Variants in CACNA2D1 observed in about 807,000 individuals in gnomAD.
The protein encoded by CACNA2D1 is calcium voltage-gated channel auxiliary subunit alpha2delta 1.
In CACNA2D1, 53 loss-of-function variants were observed where a neutral mutation model predicts 171.5. That is an observed-to-expected ratio of 0.31 (90% CI 0.25 to 0.39). The LOEUF (loss-of-function observed/expected upper bound fraction) is 0.39, where lower values mean the gene tolerates loss of function less well. Among genes scored for constraint, CACNA2D1 ranks in the 10% least tolerant of loss-of-function variants. The pLI, the probability that CACNA2D1 is intolerant of heterozygous loss-of-function variation, is 1.00. For missense variants in CACNA2D1, 903 were observed against 1,299.8 expected, an observed-to-expected ratio of 0.69 and a Z score of 4.69; for synonymous variants, 442 against 443.1, an observed-to-expected ratio of 1.00 and a Z score of 0.03.
intron 10 of CACNA2D1, among the ~76,000 whole-genome samples, chr7:82,059,987 G>A (rs1806418801): frequency 2.3e-5 from 1 of 43,316 alleles, no homozygotes; most frequent in African/African-American, 7.3e-5. Flanking sequence ...CACACACCAG[G>A]GCCTGTTGTG....
At chr7:81,980,698 T>G (rs569529447) in intron 24 of CACNA2D1, among the ~76,000 whole-genome samples, 1 of 152,152 alleles carries the variant, frequency 6.6e-6, no homozygotes, top group South Asian at 2.1e-4. Context: ...GCAAATGTAG[T>G]AGTTTAGGTG....
chr7:81,973,510 T>C (rs1795511201), intron 25 of CACNA2D1, among the ~76,000 whole-genome samples: 1 of 151,846 alleles, frequency 6.6e-6, no homozygotes, highest in South Asian at 2.1e-4. Flanking sequence ...ACTGATAAAG[T>C]GCTTTGACCC....
intron 3 of CACNA2D1, among the ~76,000 whole-genome samples, chr7:82,176,135 T>G (rs1796521105): frequency 1.3e-5 from 2 of 152,032 alleles, no homozygotes; most frequent in Admixed American, 6.6e-5. Context: ...GTTCTGCCTG[T>G]GACACCTTAT....
intron 38 of CACNA2D1, among the ~76,000 whole-genome samples, chr7:81,951,972 T>TTTTTTTTTTTTTTTTG (rs1792607166): frequency 6.9e-6 from 1 of 145,948 alleles, no homozygotes; most frequent in Non-Finnish European, 1.5e-5. Flanking sequence ...ACAAAGTGTT[T>TTTTTTTTTTTTTTTTG]TTTTTTTTTT....
intron 1 of CACNA2D1, among the ~76,000 whole-genome samples, chr7:82,426,293 T>C (rs1337698110): frequency 1.3e-5 from 2 of 152,112 alleles, no homozygotes; most frequent in Non-Finnish European, 2.9e-5. Context: ...GTTGAGGATC[T>C]AACATGTATT....
intron 3 of CACNA2D1, among the ~76,000 whole-genome samples, chr7:82,186,249 AG>A (rs1256528374): frequency 2.6e-4 from 31 of 118,298 alleles, no homozygotes; most frequent in South Asian, 1.8e-3. Context: ...GAAGGAAGGA[AG>A]GAAGAAAGGA....
intron 5 of CACNA2D1, among the ~76,000 whole-genome samples, chr7:82,135,512 A>T (rs911503935): frequency 6.6e-6 from 1 of 152,098 alleles, no homozygotes. Context: ...TAGCTCTTCA[A>T]CTATAAACTG....
rs769700955 is a variant in CACNA2D1, at chr7:82,335,176, C to A, written c.253G>T (p.Asp85Tyr). The A allele has an allele frequency of 1.9e-6, 3 of 1,612,916 alleles. No individual in the cohort carries two copies. In the Admixed American group the frequency reaches 5.0e-5, roughly 27 times the overall value. ...ARQLVEIAAR[D>Y]IEKLLSNRSK... ...CTGTTGCTCAGAAGTTTCTCAATATCCCTGGCTGCAATTTCTACCAGCTGG... is the reference window on the plus strand; with the variant it reads ...CTGTTGCTCAGAAGTTTCTCAATATACCTGGCTGCAATTTCTACCAGCTGG... Residue 85 changes from aspartate (D) to tyrosine (Y), a missense_variant, in exon 3 of 39, where the codon GAT becomes TAT. By Grantham distance (160) the Asp-to-Tyr change is radical (BLOSUM62 -3). Coordinates refer to ENST00000356860, the MANE Select transcript of CACNA2D1 (RefSeq NM_000722.4).
intron 3 of CACNA2D1, among the ~76,000 whole-genome samples, chr7:82,332,721 G>A (rs185704524): frequency 2.7e-4 from 41 of 152,192 alleles, no homozygotes; most frequent in African/African-American, 7.7e-4. Flanking sequence ...GGAACCAGGC[G>A]GGGTGCAGTG....
At chr7:82,379,094 A>T (rs1346328410) in intron 1 of CACNA2D1, among the ~76,000 whole-genome samples, 1 of 151,912 alleles carries the variant, frequency 6.6e-6, no homozygotes, top group Non-Finnish European at 1.5e-5. Context: ...TTTTTTAAAC[A>T]GGGGTGAGAG....
At chr7:82,202,262 C>A (rs1435114051) in intron 3 of CACNA2D1, among the ~76,000 whole-genome samples, 1 of 152,180 alleles carries the variant, frequency 6.6e-6, no homozygotes, top group South Asian at 2.1e-4. Flanking sequence ...AAAGCCATGT[C>A]GAAATTCCCT....
At chr7:82,044,787 A>G (rs187948542) in intron 10 of CACNA2D1, among the ~76,000 whole-genome samples, 64 of 152,234 alleles carry the variant, frequency 4.2e-4, no homozygotes, top group Non-Finnish European at 1.0e-4. Flanking sequence ...TTTTTAAAAA[A>G]CTTTCAAAAT....
At chr7:82,172,082 C>T (rs1026858232) in intron 3 of CACNA2D1, among the ~76,000 whole-genome samples, 1 of 151,922 alleles carries the variant, frequency 6.6e-6, no homozygotes, top group African/African-American at 2.4e-5. Flanking sequence ...AGTCCCAAAG[C>T]TAAATTTAAG....
intron 1 of CACNA2D1, among the ~76,000 whole-genome samples, chr7:82,387,005 G>C (rs552589049): frequency 9.2e-4 from 139 of 151,896 alleles, no homozygotes; most frequent in Middle Eastern, 6.8e-3. Context: ...AGTATAAAGT[G>C]GTGGCAAATG....
At chr7:82,364,376 G>C (rs1193850169) in intron 1 of CACNA2D1, among the ~76,000 whole-genome samples, 1 of 152,184 alleles carries the variant, frequency 6.6e-6, no homozygotes, top group Non-Finnish European at 1.5e-5. Flanking sequence ...CCTATTTATA[G>C]AGTCCCTGCA....
Position 82,149,796 on chromosome 7 carries a change from A to AAAT in CACNA2D1, c.355-13121_355-13120insATT, listed in dbSNP as rs200977708. Among the ~76,000 whole-genome samples the AAAT allele has an allele frequency of 2.2e-5, 3 of 136,774 alleles. No individual in the cohort carries two copies. The Admixed American group carries it at 2.2e-4, about 10-fold the overall frequency. 89.7% of individuals were successfully genotyped at this position (136,774 alleles called of 152,430 possible). A position where few individuals can be genotyped will look rare whatever the true frequency, so the allele number is the denominator to read the frequency against. On this transcript the variant is annotated intron_variant, in intron 4 of 38. Transcript: ENST00000356860. ...ACAAAAAAAAAACAAACAAACAACA[A>AAAT]AAAAAAAAACATTAGCTGGGTGTGG...
chr7:82,381,139 C>CAA (rs1173859288), intron 1 of CACNA2D1, among the ~76,000 whole-genome samples: 4 of 151,812 alleles, frequency 2.6e-5, no homozygotes, highest in African/African-American at 9.7e-5. Context: ...GGTGAAACCC[C>CAA]ATCTCTACTA....
intron 4 of CACNA2D1, among the ~76,000 whole-genome samples, chr7:82,142,269 G>A (rs892603647): frequency 1.3e-5 from 2 of 152,170 alleles, no homozygotes; most frequent in Non-Finnish European, 2.9e-5. Flanking sequence ...AATGGTCCAT[G>A]CTAATATAAT....
intron 1 of CACNA2D1, among the ~76,000 whole-genome samples, chr7:82,406,756 T>C (rs898909732): frequency 1.3e-5 from 2 of 152,192 alleles, no homozygotes; most frequent in African/African-American, 4.8e-5. Flanking sequence ...TTCTTGTCAG[T>C]TTTTCTTGTT....
Sources: allele counts gnomAD v4.1 joint callset (sites outside exome capture counted in the v4.1 genomes callset), GRCh38; gene constraint gnomAD v4.1.1; transcripts MANE v1.5; gene names NCBI Gene and HGNC (gene_info 2026-07-23, HGNC 2026-07-21).